The following SPIDR variants were observed in gnomAD, a reference collection of about 807,000 sequenced individuals.
The protein encoded by SPIDR is DNA repair-scaffolding protein.
Under a neutral mutation model 104.6 loss-of-function variants are expected in SPIDR, and 93 were observed. The ratio of observed to expected loss-of-function variants is 0.89; its 90% CI spans 0.75 to 1.06. The LOEUF is 1.06. Ranked by LOEUF, SPIDR falls within the 50% of genes least tolerant of loss-of-function variation. The pLI, the probability that SPIDR is intolerant of heterozygous loss-of-function variation, is 0.00. For missense variants in SPIDR, 1,154 were observed against 1,111.2 expected (o/e 1.04, Z -0.55); for synonymous variants, 431 against 416.9 (o/e 1.03, Z -0.41).
chr8:47,347,885 G>A (rs1192906539), intron 5 of SPIDR, among the ~76,000 whole-genome samples: 1 of 152,018 alleles, frequency 6.6e-6, no homozygotes, highest in Non-Finnish European at 1.5e-5. Context: ...CACACTGATG[G>A]GTCCTGGCTC....
chr8:47,504,993 G>C lies in SPIDR; in HGVS notation c.1097+64451G>C, dbSNP rs539034089. Among the ~76,000 whole-genome samples the C allele has an allele frequency of 4.6e-5, 7 of 152,346 alleles. No individual in the cohort carries two copies. The East Asian group carries it at 1.4e-3, about 29-fold the overall frequency. Reference sequence around the variant, plus strand: ...TTGCTGCCTGATCGTTTCTCTGGAAGTTTTGTCTCAGCGGAGTACCCGGCC... The same window carrying C: ...TTGCTGCCTGATCGTTTCTCTGGAACTTTTGTCTCAGCGGAGTACCCGGCC... On this transcript the variant is annotated intron_variant, in intron 8 of 19. Coordinates refer to ENST00000297423, the MANE Select transcript of SPIDR (RefSeq NM_001080394.4).
At chr8:47,405,998 T>C (rs1238497747) in intron 6 of SPIDR, among the ~76,000 whole-genome samples, 1 of 152,122 alleles carries the variant, frequency 6.6e-6, no homozygotes, top group Non-Finnish European at 1.5e-5. Context: ...ATGTTTACTG[T>C]TGCTTTTACC....
intron 8 of SPIDR, among the ~76,000 whole-genome samples, chr8:47,503,220 T>G (rs1038545377): frequency 6.6e-6 from 1 of 152,198 alleles, no homozygotes; most frequent in African/African-American, 2.4e-5. Context: ...TTGATATATC[T>G]AATGTTGACA....
At chr8:47,530,201 C>T (rs1416671257) in intron 8 of SPIDR, among the ~76,000 whole-genome samples, 1 of 152,156 alleles carries the variant, frequency 6.6e-6, no homozygotes, top group Non-Finnish European at 1.5e-5. Context: ...AATGCAGTGG[C>T]TCATGTCTGT....
intron 6 of SPIDR, among the ~76,000 whole-genome samples, chr8:47,402,121 T>TA (rs1392510533): frequency 6.6e-5 from 10 of 152,196 alleles, no homozygotes; most frequent in African/African-American, 2.4e-4. Flanking sequence ...GAACAGAAAT[T>TA]ATAACAAAAT....
intron 6 of SPIDR, among the ~76,000 whole-genome samples, chr8:47,401,185 A>G (rs1214267011): frequency 2.6e-5 from 4 of 152,222 alleles, no homozygotes; most frequent in Non-Finnish European, 4.4e-5. Context: ...CCAATATTCA[A>G]CATTCTTAAA....
At chr8:47,522,471 G>T (rs552584485) in intron 8 of SPIDR, among the ~76,000 whole-genome samples, 2 of 152,108 alleles carry the variant, frequency 1.3e-5, no homozygotes, top group African/African-American at 4.8e-5. Context: ...TGAAGGATCC[G>T]AGCCAGTGTG....
intron 2 of SPIDR, among the ~76,000 whole-genome samples, chr8:47,280,227 T>A (rs1472403621): frequency 6.6e-6 from 1 of 151,820 alleles, no homozygotes; most frequent in African/African-American, 2.4e-5. Flanking sequence ...ATTTTTTATT[T>A]TTTTTTTATT....
chr8:47,640,885 T>TA (rs2068824935), intron 10 of SPIDR, among the ~76,000 whole-genome samples: 1 of 135,298 alleles, frequency 7.4e-6, no homozygotes, highest in African/African-American at 2.8e-5. Flanking sequence ...TTTTTTTTTT[T>TA]GTATTTTGGT....
At chr8:47,405,291 C>CGTT (rs1329943008) in intron 6 of SPIDR, among the ~76,000 whole-genome samples, 4 of 144,896 alleles carry the variant, frequency 2.8e-5, no homozygotes, top group Non-Finnish European at 4.6e-5. Flanking sequence ...CAACATGGCA[C>CGTT]GTGTGTGTGT....
chr8:47,516,849 T>C (rs1586990400), intron 8 of SPIDR, among the ~76,000 whole-genome samples: 1 of 152,202 alleles, frequency 6.6e-6, no homozygotes, highest in East Asian at 1.9e-4. Flanking sequence ...AACTACCATA[T>C]TGTTTTCCAC....
At chr8:47,524,890 A>G (rs1400740721) in intron 8 of SPIDR, among the ~76,000 whole-genome samples, 1 of 152,206 alleles carries the variant, frequency 6.6e-6, no homozygotes, top group Non-Finnish European at 1.5e-5. Context: ...ATCTCCTGCA[A>G]GAGATTTCTG....
intron 8 of SPIDR, among the ~76,000 whole-genome samples, chr8:47,503,625 C>T (rs1330784000): frequency 1.3e-5 from 2 of 152,150 alleles, no homozygotes; most frequent in Non-Finnish European, 2.9e-5. Flanking sequence ...GCGCATTTAG[C>T]CCATTCACAT....
At chr8:47,466,901 ATATAT>A (rs1205972917) in intron 8 of SPIDR, among the ~76,000 whole-genome samples, 4 of 27,666 alleles carry the variant, frequency 1.4e-4, no homozygotes, top group Admixed American at 7.7e-4. Flanking sequence ...AAAAAAAAAA[ATATAT>A]ATATATATAG....
At chr8:47,466,880 T>G (rs1338280835) in intron 8 of SPIDR, among the ~76,000 whole-genome samples, 5 of 80,562 alleles carry the variant, frequency 6.2e-5, no homozygotes, top group Non-Finnish European at 1.4e-4. Context: ...AGGAGTTAGT[T>G]TTTTTTGAAA....
rs147697581 is a variant in SPIDR, at chr8:47,497,800, G to A, written c.1097+57258G>A. Among the ~76,000 whole-genome samples, 594 of 152,262 alleles carry A rather than the reference G, an allele frequency of 3.9e-3. 8 individuals are homozygous for A. The highest frequency in any genetic ancestry group is 0.014 in the African/African-American group (563 of 41,556). ...TAAATATAGTGTTTTAGAGGGCTTG[G>A]AGTATCTGTCTACAGTCCATCTGGT... On this transcript the variant is annotated intron_variant, in intron 8 of 19. Transcript: ENST00000297423.
At chr8:47,720,326 T>G (rs976677800) in intron 16 of SPIDR, among the ~76,000 whole-genome samples, 1 of 152,240 alleles carries the variant, frequency 6.6e-6, no homozygotes, top group Admixed American at 6.5e-5. Context: ...GCATAAGTTT[T>G]CAACTCGTGG....
At chr8:47,547,528 G>A (rs1186985059) in intron 8 of SPIDR, 1 of 181,970 alleles carries the variant, frequency 5.5e-6, no homozygotes, top group African/African-American at 2.4e-5. Context: ...CTGGGTTTAA[G>A]CAATTCTCCT....
chr8:47,401,577 T>G (rs2154316920), intron 6 of SPIDR, among the ~76,000 whole-genome samples: 1 of 152,260 alleles, frequency 6.6e-6, no homozygotes, highest in Middle Eastern at 3.4e-3. Flanking sequence ...TGTGCTGTAT[T>G]CAGGAAACCC....
Sources: allele counts gnomAD v4.1 joint callset (sites outside exome capture counted in the v4.1 genomes callset), GRCh38; gene constraint gnomAD v4.1.1; transcripts MANE v1.5; gene names NCBI Gene and HGNC (gene_info 2026-07-23, HGNC 2026-07-21).